The following ANO6 variants were observed in gnomAD, a reference collection of about 807,000 sequenced individuals.
ANO6 encodes anoctamin 6.
In ANO6, 106 loss-of-function variants were observed where a neutral mutation model predicts 117.5. The observed-to-expected ratio is 0.90, with a 90% CI of 0.77 to 1.06. The LOEUF is 1.06. Ranked by LOEUF, ANO6 falls within the 50% of genes least tolerant of loss-of-function variation. ANO6 has a pLI of 0.00. For missense variants in ANO6, 955 were observed against 1,121.1 expected, an observed-to-expected ratio of 0.85 and a Z score of 2.12; for synonymous variants, 367 against 385.1, an observed-to-expected ratio of 0.95 and a Z score of 0.55.
intron 9 of ANO6, among the ~76,000 whole-genome samples, chr12:45,377,146 T>G (rs977899286): frequency 1.2e-4 from 18 of 151,654 alleles, no homozygotes; most frequent in Admixed American, 1.0e-3. Context: ...TGAAAAGGTT[T>G]TTTTTTTTTT....
At chr12:45,282,918 C>T (rs1428850612) in intron 1 of ANO6, among the ~76,000 whole-genome samples, 5 of 152,116 alleles carry the variant, frequency 3.3e-5, no homozygotes, top group African/African-American at 4.8e-5. Context: ...TGCTATTGCT[C>T]GCTCTCTCAT....
At chr12:45,410,992 A>T (rs1943072423) in intron 16 of ANO6, among the ~76,000 whole-genome samples, 1 of 152,178 alleles carries the variant, frequency 6.6e-6, no homozygotes, top group Non-Finnish European at 1.5e-5. Flanking sequence ...ACATATGTAG[A>T]AGCTGTCCTT....
chr12:45,318,145 A>G (rs1238069763), intron 2 of ANO6, among the ~76,000 whole-genome samples: 70 of 152,120 alleles, frequency 4.6e-4, no homozygotes, highest in Admixed American at 4.5e-3. Context: ...CCATTTGTCA[A>G]TTTTGGCTTT....
chr12:45,298,463 G>A (rs1049935316), intron 1 of ANO6, among the ~76,000 whole-genome samples: 1 of 152,116 alleles, frequency 6.6e-6, no homozygotes, highest in South Asian at 2.1e-4. Flanking sequence ...AGTTGTGTTA[G>A]ATTACCATAA....
intron 1 of ANO6, among the ~76,000 whole-genome samples, chr12:45,227,176 G>C (rs1947496709): frequency 6.6e-6 from 1 of 151,816 alleles, no homozygotes; most frequent in Non-Finnish European, 1.5e-5. Context: ...TTTTAGTAGA[G>C]ACAAGGTTTC....
intron 1 of ANO6, among the ~76,000 whole-genome samples, chr12:45,280,174 A>G (rs74080995): frequency 0.011 from 1,636 of 152,354 alleles, 30 homozygotes; most frequent in African/African-American, 0.037. Context: ...TGTCCTTCCC[A>G]TCAAAGCCAT....
intron 2 of ANO6, among the ~76,000 whole-genome samples, chr12:45,315,331 G>T (rs11182971): frequency 1.3e-5 from 2 of 151,922 alleles, no homozygotes; most frequent in African/African-American, 2.4e-5. Flanking sequence ...GGATGCATGA[G>T]GAACTGGGGG....
chr12:45,351,450 C>T (rs891398165), intron 7 of ANO6, among the ~76,000 whole-genome samples: 1 of 152,130 alleles, frequency 6.6e-6, no homozygotes, highest in Admixed American at 6.5e-5. Context: ...GCTGAGGATT[C>T]TGGCTTGTGG....
downstream of ANO6, among the ~76,000 whole-genome samples, chr12:45,432,826 G>T (rs1943662776): frequency 6.6e-6 from 1 of 152,160 alleles, no homozygotes; most frequent in Non-Finnish European, 1.5e-5. Context: ...GAACCATTTA[G>T]GTTGTGTTCC....
intron 2 of ANO6, 23 bp downstream of exon 2, chr12:45,302,116 A>C: frequency 6.2e-7 from 1 of 1,604,210 alleles, no homozygotes; most frequent in Non-Finnish European, 8.5e-7. Flanking sequence ...CCTTTATCTT[A>C]AATTTGTATT....
intron 3 of ANO6, among the ~76,000 whole-genome samples, chr12:45,345,004 C>A (rs1281615160): frequency 1.3e-5 from 2 of 152,098 alleles, no homozygotes; most frequent in Non-Finnish European, 2.9e-5. Flanking sequence ...CTCAAACTCT[C>A]CTTACCCCTA....
intron 1 of ANO6, among the ~76,000 whole-genome samples, chr12:45,261,398 T>C (rs1938029370): frequency 6.6e-6 from 1 of 152,228 alleles, no homozygotes; most frequent in Non-Finnish European, 1.5e-5. Flanking sequence ...GGAAGGAAAT[T>C]AATGATATTG....
At chr12:45,414,197 G>C (rs1258484194) in intron 16 of ANO6, among the ~76,000 whole-genome samples, 1 of 151,800 alleles carries the variant, frequency 6.6e-6, no homozygotes, top group East Asian at 1.9e-4. Context: ...GTAACATGTA[G>C]AAGCAAGCAG....
chr12:45,348,202 A>G lies in ANO6; in HGVS notation c.520A>G (p.Ile174Val), dbSNP rs545233834. ...CAAAGTCCTCAGTGTAGACGAAAGC[A>G]TCATCAAGCCAGAGCAAGAGTTTTT... is the stretch of plus-strand genomic sequence containing the variant. ...FTKVLSVDES[I>V]IKPEQEFFTA... Residue 174 changes from isoleucine (I) to valine (V), a missense_variant, in exon 5 of 20, where the codon ATC (isoleucine) becomes GTC (valine). Physicochemically the swap from Ile to Val is conservative, Grantham distance 29. Coordinates refer to ENST00000320560, the MANE Select transcript of ANO6 (RefSeq NM_001025356.3). 1.6e-5 allele frequency: 26 copies of G among 1,614,094 alleles called. No homozygotes were observed. The highest frequency in any genetic ancestry group is 1.5e-4 in the African/African-American group (11 of 75,032).
At chr12:45,274,518 C>T (rs1381183935) in intron 1 of ANO6, among the ~76,000 whole-genome samples, 1 of 152,040 alleles carries the variant, frequency 6.6e-6, no homozygotes. Flanking sequence ...GCCCAGGCCA[C>T]TACTAAGTTT....
chr12:45,219,747 A>G (rs1398413636), intron 1 of ANO6, among the ~76,000 whole-genome samples: 1 of 152,108 alleles, frequency 6.6e-6, no homozygotes, highest in Non-Finnish European at 1.5e-5. Flanking sequence ...TGTTTGTTTA[A>G]GTTACAGCCA....
intron 1 of ANO6, among the ~76,000 whole-genome samples, chr12:45,300,927 A>G (rs1939462262): frequency 6.6e-6 from 1 of 152,332 alleles, no homozygotes; most frequent in East Asian, 1.9e-4. Context: ...CATGTCAGTA[A>G]CTTGTTGACA....
intron 1 of ANO6, 131 bp downstream of exon 1, chr12:45,216,522 G>GA: frequency 1.9e-6 from 2 of 1,033,766 alleles, no homozygotes; most frequent in Non-Finnish European, 2.8e-6. Flanking sequence ...CCGGGCAGGG[G>GA]AGGAAGCCCG....
chr12:45,397,001 A>T (rs1036118895), intron 12 of ANO6, among the ~76,000 whole-genome samples: 8 of 152,344 alleles, frequency 5.3e-5, no homozygotes, highest in African/African-American at 1.4e-4. Context: ...AATGGGATCT[A>T]ATTAAACTAA....
Sources: allele counts gnomAD v4.1 joint callset (sites outside exome capture counted in the v4.1 genomes callset), GRCh38; gene constraint gnomAD v4.1.1; transcripts MANE v1.5; gene names NCBI Gene and HGNC (gene_info 2026-07-23, HGNC 2026-07-21).